BABAM2: variants seen among roughly 807,000 people sequenced by gnomAD.
BABAM2 encodes BRISC and BRCA1-A complex member 2.
Under a neutral mutation model 54.7 loss-of-function variants are expected in BABAM2, and 31 were observed. The ratio of observed to expected loss-of-function variants is 0.57; its 90% CI spans 0.43 to 0.77. The LOEUF is 0.77. Ranked by LOEUF, BABAM2 falls within the 30% of genes least tolerant of loss-of-function variation. The probability of loss-of-function intolerance (pLI) is 0.00; values close to 1 mark genes in which losing one functional copy is unlikely to be tolerated. For synonymous variants in BABAM2, 167 were observed against 162.9 expected (o/e 1.03, Z -0.19); for missense variants, 364 against 455.8 (o/e 0.80, Z 1.83).
At chr2:28,058,312 A>G (rs917144887) in intron 6 of BABAM2, among the ~76,000 whole-genome samples, 3 of 152,098 alleles carry the variant, frequency 2.0e-5, no homozygotes, top group Admixed American at 2.0e-4. Context: ...TTACAGCCTT[A>G]AATACTTAAC....
chr2:28,112,179 C>CTCCT (rs1668157022), intron 6 of BABAM2, among the ~76,000 whole-genome samples: 1 of 64,702 alleles, frequency 1.5e-5, no homozygotes, highest in African/African-American at 6.8e-5. Flanking sequence ...CCCTCCCTCC[C>CTCCT]TCCCTCCCTC....
At chr2:28,038,499 T>G (rs185709532) in intron 5 of BABAM2, among the ~76,000 whole-genome samples, 5 of 152,322 alleles carry the variant, frequency 3.3e-5, no homozygotes, top group African/African-American at 1.2e-4. Context: ...AACATAGTAC[T>G]CAATAGGAAG....
intron 2 of BABAM2, among the ~76,000 whole-genome samples, chr2:27,917,295 C>T (rs1388859317): frequency 6.6e-6 from 1 of 152,150 alleles, no homozygotes; most frequent in Non-Finnish European, 1.5e-5. Flanking sequence ...GAATTATAGG[C>T]GTGAGCCACC....
At chr2:28,092,226 C>T (rs866053687) in intron 6 of BABAM2, among the ~76,000 whole-genome samples, 1 of 151,558 alleles carries the variant, frequency 6.6e-6, no homozygotes, top group Non-Finnish European at 1.5e-5. Flanking sequence ...TGCCATAAGA[C>T]GAGAAAAAAT....
intron 5 of BABAM2, among the ~76,000 whole-genome samples, chr2:28,042,910 G>C (rs1307194601): frequency 6.6e-6 from 1 of 151,798 alleles, no homozygotes; most frequent in Admixed American, 6.6e-5. Context: ...TGTAGTCCCA[G>C]CTACTCGGGA....
intron 3 of BABAM2, among the ~76,000 whole-genome samples, chr2:27,981,820 G>C (rs1672023039): frequency 1.3e-5 from 2 of 152,072 alleles, no homozygotes; most frequent in South Asian, 4.1e-4. Flanking sequence ...TACAAACAAT[G>C]TGCAAGTTTT....
At chr2:28,224,849 GACAA>G (rs1680736589) in intron 7 of BABAM2, among the ~76,000 whole-genome samples, 2 of 60,412 alleles carry the variant, frequency 3.3e-5, no homozygotes, top group African/African-American at 1.2e-4. Context: ...ACGGTAAATT[GACAA>G]AAAAAAAAAA....
chr2:28,145,418 C>G (rs1671408733), intron 7 of BABAM2, among the ~76,000 whole-genome samples: 1 of 152,172 alleles, frequency 6.6e-6, no homozygotes, highest in Non-Finnish European at 1.5e-5. Context: ...GTTTTCTGCT[C>G]ATTTTTAGAG....
At chr2:27,915,408 C>G (rs1666891099) in intron 2 of BABAM2, among the ~76,000 whole-genome samples, 4 of 152,164 alleles carry the variant, frequency 2.6e-5, no homozygotes, top group African/African-American at 9.7e-5. Context: ...TAACAGCTCT[C>G]TGGAGCATGA....
chr2:28,076,996 A>C (rs1182401076), intron 6 of BABAM2, among the ~76,000 whole-genome samples: 1 of 152,190 alleles, frequency 6.6e-6, no homozygotes, highest in Admixed American at 6.5e-5. Context: ...AATTGGCAGT[A>C]GGGGTAAATG....
chr2:27,933,177 A>G (rs1400995965), intron 3 of BABAM2, among the ~76,000 whole-genome samples: 3 of 152,162 alleles, frequency 2.0e-5, no homozygotes, highest in Non-Finnish European at 4.4e-5. Context: ...CTTTAATAAC[A>G]TTTGTGATTA....
At chr2:28,053,666 G>A (rs1400853122) in intron 6 of BABAM2, among the ~76,000 whole-genome samples, 2 of 152,102 alleles carry the variant, frequency 1.3e-5, no homozygotes, top group African/African-American at 4.8e-5. Context: ...TCAGTACCTC[G>A]TCCTTGTTCC....
chr2:27,931,506 C>G (rs1668091586), intron 3 of BABAM2, among the ~76,000 whole-genome samples: 1 of 152,114 alleles, frequency 6.6e-6, no homozygotes. Flanking sequence ...AAGCATCAGC[C>G]TGTTTTCCCT....
At chr2:28,224,851 CAAAA>C (rs754146418) in intron 7 of BABAM2, among the ~76,000 whole-genome samples, 1 of 83,924 alleles carries the variant, frequency 1.2e-5, no homozygotes, top group African/African-American at 4.1e-5. Context: ...GGTAAATTGA[CAAAA>C]AAAAAAAAAA....
At chr2:28,230,965 A>G (rs1681333842) in intron 7 of BABAM2, among the ~76,000 whole-genome samples, 1 of 152,174 alleles carries the variant, frequency 6.6e-6, no homozygotes, top group African/African-American at 2.4e-5. Context: ...ATTGGTAGGG[A>G]TTAGACTTTT....
At chr2:28,138,806 G>A (rs181845520) in intron 7 of BABAM2, among the ~76,000 whole-genome samples, 1 of 152,142 alleles carries the variant, frequency 6.6e-6, no homozygotes, top group African/African-American at 2.4e-5. Flanking sequence ...CATTTTGCTT[G>A]TGTGTCGTCT....
chr2:28,110,966 G>A (rs1573599510), intron 6 of BABAM2, among the ~76,000 whole-genome samples: 1 of 144,984 alleles, frequency 6.9e-6, no homozygotes, highest in Non-Finnish European at 1.5e-5. Flanking sequence ...CTTATTGGCT[G>A]TTTCTTTTTT....
chr2:28,218,314 A>G (rs1241955338), intron 7 of BABAM2, among the ~76,000 whole-genome samples: 2 of 152,196 alleles, frequency 1.3e-5, no homozygotes, highest in Admixed American at 6.5e-5. Flanking sequence ...CCATATTCTA[A>G]TTGTGTCAGT....
chr2:28,196,056 G>A (rs1044796663), intron 7 of BABAM2, among the ~76,000 whole-genome samples: 6 of 152,160 alleles, frequency 3.9e-5, no homozygotes, highest in Non-Finnish European at 5.9e-5. Flanking sequence ...GGCTGGGCGT[G>A]GTGGCTTACG....
Sources: gnomAD v4.1 joint callset for allele counts (sites outside exome capture counted in the v4.1 genomes callset) on GRCh38, gnomAD v4.1.1 for gene constraint, MANE v1.5 for transcripts, NCBI Gene and HGNC (gene_info 2026-07-23, HGNC 2026-07-21) for gene names.